The following UBE2W variants were observed in gnomAD, a reference collection of about 807,000 sequenced individuals.
UBE2W encodes ubiquitin conjugating enzyme E2 W, also known as ubiquitin-conjugating enzyme E2 W.
UBE2W carries 18 observed loss-of-function variants against 27.2 expected under a neutral mutation model. The ratio of observed to expected loss-of-function variants is 0.66; its 90% CI spans 0.46 to 0.98. UBE2W has a LOEUF of 0.98. Ranked by LOEUF, UBE2W falls within the 50% of genes least tolerant of loss-of-function variation. The pLI, the probability that UBE2W is intolerant of heterozygous loss-of-function variation, is 0.00. For missense variants in UBE2W, 90 were observed against 180.2 expected, an observed-to-expected ratio of 0.50 and a Z score of 2.87; for synonymous variants, 53 against 57.2, an observed-to-expected ratio of 0.93 and a Z score of 0.33.
At chr8:73,844,120 T>C (rs72661826) in intron 1 of UBE2W, among the ~76,000 whole-genome samples, 3 of 152,222 alleles carry the variant, frequency 2.0e-5, no homozygotes, top group Non-Finnish European at 2.9e-5. Flanking sequence ...TAAACATCAC[T>C]GTGAAAGCAT....
chr8:73,876,882 G>A (rs746438702), intron 1 of UBE2W, among the ~76,000 whole-genome samples: 71 of 152,210 alleles, frequency 4.7e-4, no homozygotes, highest in Non-Finnish European at 5.0e-4. Flanking sequence ...TGGGAGAATC[G>A]CTTGAACTCG....
chr8:73,817,339 T>C (rs1229578691), intron 3 of UBE2W, among the ~76,000 whole-genome samples: 1 of 151,940 alleles, frequency 6.6e-6, no homozygotes, highest in African/African-American at 2.4e-5. Flanking sequence ...AAAATAATAA[T>C]GATAATTAAT....
intron 1 of UBE2W, among the ~76,000 whole-genome samples, chr8:73,874,424 T>A (rs1812134730): frequency 6.6e-6 from 1 of 151,704 alleles, no homozygotes; most frequent in Non-Finnish European, 1.5e-5. Flanking sequence ...AGCGAGACTC[T>A]GTCTCAAAAA....
chr8:73,838,761 T>C (rs1180225443), intron 1 of UBE2W, among the ~76,000 whole-genome samples: 1 of 152,212 alleles, frequency 6.6e-6, no homozygotes, highest in African/African-American at 2.4e-5. Flanking sequence ...CTCCCTATTT[T>C]GCACTGTCAC....
chr8:73,838,568 C>T (rs549170833), intron 1 of UBE2W, among the ~76,000 whole-genome samples: 44 of 152,224 alleles, frequency 2.9e-4, no homozygotes, highest in African/African-American at 1.0e-3. Context: ...AGTGAGACCA[C>T]GTCTCTAGGG....
chr8:73,836,297 T>C (rs1810306171), intron 1 of UBE2W, among the ~76,000 whole-genome samples: 1 of 152,178 alleles, frequency 6.6e-6, no homozygotes, highest in Non-Finnish European at 1.5e-5. Flanking sequence ...TAAACTGCCT[T>C]GCATATTCAC....
intron 3 of UBE2W, among the ~76,000 whole-genome samples, chr8:73,814,393 C>A (rs542370821): frequency 2.0e-5 from 3 of 152,184 alleles, no homozygotes; most frequent in Non-Finnish European, 4.4e-5. Context: ...CACGGACATT[C>A]CTCGCTGCGT....
intron 4 of UBE2W, 53 bp from the exon 5 acceptor site, chr8:73,805,779 G>T: frequency 9.4e-7 from 1 of 1,067,054 alleles, no homozygotes; most frequent in Non-Finnish European, 1.3e-6. Context: ...CTGAGAGGGT[G>T]ACAGTTTTAA....
chr8:73,867,047 T>C (rs1051580429), intron 1 of UBE2W, among the ~76,000 whole-genome samples: 5 of 151,206 alleles, frequency 3.3e-5, no homozygotes, highest in Non-Finnish European at 7.4e-5. Flanking sequence ...TAATAAATAA[T>C]GTCTAATAAA....
chr8:73,875,631 T>A (rs991644795), intron 1 of UBE2W, among the ~76,000 whole-genome samples: 1 of 152,186 alleles, frequency 6.6e-6, no homozygotes, highest in Non-Finnish European at 1.5e-5. Flanking sequence ...TACTAAAAGC[T>A]TTTTGGGTTA....
At chr8:73,780,435 G>A (rs1431743273) in exon 5 of UBE2W, 3 of 445,126 alleles carry the variant, frequency 6.7e-6, no homozygotes, top group South Asian at 4.8e-5. Context: ...ACAATTTGAG[G>A]TACTGGGAGT....
At chr8:73,785,407 T>C (rs1010480729), downstream of UBE2W, among the ~76,000 whole-genome samples, 11 of 152,056 alleles carry the variant, frequency 7.2e-5, no homozygotes, top group African/African-American at 2.7e-4. Flanking sequence ...CCTCCCAAAG[T>C]GCTGGGATTA....
chr8:73,839,325 A>AT (rs1299930193), intron 1 of UBE2W, among the ~76,000 whole-genome samples: 1 of 141,648 alleles, frequency 7.1e-6, no homozygotes, highest in Non-Finnish European at 1.5e-5. Flanking sequence ...CATGGAAGAC[A>AT]TTTTTTTAAA....
chr8:73,878,642 C>T (rs1812346663), intron 1 of UBE2W, among the ~76,000 whole-genome samples, 166 bp downstream of exon 1: 1 of 152,190 alleles, frequency 6.6e-6, no homozygotes, highest in Admixed American at 6.5e-5. Flanking sequence ...CGCCTCTCGC[C>T]GCCTCTTACC....
chr8:73,850,836 C>CA lies in UBE2W; in HGVS notation c.16-20365dup, dbSNP rs1173800366. Among the ~76,000 whole-genome samples the CA allele has an allele frequency of 2.0e-5, 3 of 149,600 alleles. No homozygotes were observed. The East Asian group carries it at 5.9e-4, about 29-fold the overall frequency. On this transcript the variant is annotated intron_variant, in intron 1 of 5. Transcript: ENST00000602593. ...TTTTATAAATATTCTTTAAAATATT[C>CA]ACCTATGATTTCTATTTTTATATTT...
chr8:73,821,017 G>A (rs1232144606), intron 3 of UBE2W, among the ~76,000 whole-genome samples: 1 of 152,144 alleles, frequency 6.6e-6, no homozygotes, highest in Non-Finnish European at 1.5e-5. Flanking sequence ...GAGAATAACT[G>A]ACCTAGAGCT....
At chr8:73,867,070 T>C (rs113478836) in intron 1 of UBE2W, among the ~76,000 whole-genome samples, 8,834 of 152,090 alleles carry the variant, frequency 0.058, 848 homozygotes, top group African/African-American at 0.2. Context: ...ACATGTAGTC[T>C]AAATATATAA....
chr8:73,801,234 G>A (rs1808628268), intron 5 of UBE2W, among the ~76,000 whole-genome samples: 1 of 152,144 alleles, frequency 6.6e-6, no homozygotes, highest in Non-Finnish European at 1.5e-5. Context: ...ATTCTTAGAT[G>A]AAAGACTTCT....
intron 1 of UBE2W, among the ~76,000 whole-genome samples, chr8:73,846,572 C>T (rs1221085065): frequency 1.3e-5 from 2 of 152,106 alleles, no homozygotes; most frequent in Non-Finnish European, 2.9e-5. Flanking sequence ...CAATCTAATG[C>T]CCCAAGGTCA....
Sources: gnomAD v4.1 joint callset for allele counts (sites outside exome capture counted in the v4.1 genomes callset) on GRCh38, gnomAD v4.1.1 for gene constraint, MANE v1.5 for transcripts, NCBI Gene and HGNC (gene_info 2026-07-23, HGNC 2026-07-21) for gene names.